Variants in PRMT9 observed in about 807,000 individuals in gnomAD.
The protein encoded by PRMT9 is protein arginine N-methyltransferase 9.
In PRMT9, 59 loss-of-function variants were observed where a neutral mutation model predicts 83.2. That is an observed-to-expected ratio of 0.71 (90% CI 0.57 to 0.88). The LOEUF (loss-of-function observed/expected upper bound fraction) is 0.88. Among genes scored for constraint, PRMT9 ranks in the 40% least tolerant of loss-of-function variants. The pLI is 0.00. For missense variants in PRMT9, 947 were observed against 1,021.9 expected (o/e 0.93, Z 1.00); for synonymous variants, 333 against 353.2 (o/e 0.94, Z 0.64).
chr4:147,682,536 T>A (rs181393420), intron 1 of PRMT9, among the ~76,000 whole-genome samples: 1 of 151,702 alleles, frequency 6.6e-6, no homozygotes, highest in East Asian at 2.0e-4. Context: ...GGTCTCAAAC[T>A]CCTGACCTTG....
Position 147,654,528 on chromosome 4 carries a change from C to A in PRMT9, c.1369G>T (p.Val457Leu), listed in dbSNP as rs372927933. The A allele has an allele frequency of 6.8e-6, 11 of 1,613,462 alleles. No homozygotes were observed. Among genetic ancestry groups the A allele is most frequent in the African/African-American group, 1.3e-5 (1 of 74,906 alleles). ...IKPGDHVMME[V>L]SCQDCYLRIQ... ...CTTAAGTAACAGTCTTGACAAGATA[C>A]TTCCATCATCACATGGTCTCCAGGC... Residue 457 changes from valine to leucine, a missense_variant, in exon 9 of 12, where the codon GTA (valine) becomes TTA (leucine). Transcript: ENST00000322396.
rs67002013 is a variant in PRMT9, at chr4:147,666,823, TAAAAAAAA to T, written c.953+1708_953+1715del. ...TCAACCCATAATGCTGAACTTTGTT[TAAAAAAAA>T]AAAAAAAAAAAAAAGATATTGGCCT... On this transcript the variant is annotated intron_variant, in intron 6 of 11. Coordinates refer to ENST00000322396, the MANE Select transcript of PRMT9 (RefSeq NM_138364.4). 4.7e-5 allele frequency among the ~76,000 whole-genome samples: 6 copies of T among 126,446 alleles called. No individual in the cohort carries two copies. The South Asian group carries it at 1.5e-3, about 32-fold the overall frequency. 83.0% of individuals were successfully genotyped at this position (126,446 alleles called of 152,430 possible). A position where few individuals can be genotyped will look rare whatever the true frequency, so the allele number is the denominator to read the frequency against.
At chr4:147,681,030 T>G (rs1736437017) in intron 1 of PRMT9, among the ~76,000 whole-genome samples, 1 of 152,232 alleles carries the variant, frequency 6.6e-6, no homozygotes, top group Non-Finnish European at 1.5e-5. Context: ...AATCTTGTTC[T>G]TATCCTCACA....
intron 9 of PRMT9, among the ~76,000 whole-genome samples, chr4:147,644,690 G>A (rs1366597849): frequency 6.6e-6 from 1 of 152,084 alleles, no homozygotes; most frequent in Non-Finnish European, 1.5e-5. Flanking sequence ...TTGCTAGGCC[G>A]TGGAAGCTGT....
At position 147,672,987 on chromosome 4, in the gene PRMT9, T is replaced by C. The variant is rs370622333; in HGVS notation, c.715A>G (p.Ile239Val). ...TCGGGAATATGTTTTGGAATCTCTA[T>C]GTCAAGTGACTTCGTATGTAAGAGT... ...IKLLHTKSLDIEIPKHIPERV... is the reference protein window; with the variant it reads ...IKLLHTKSLDVEIPKHIPERV... Residue 239 changes from isoleucine (I) to valine (V), a missense_variant, in exon 4 of 12, where the codon ATA becomes GTA. Physicochemically the swap from Ile to Val is conservative, Grantham distance 29 (BLOSUM62 3). Coordinates refer to ENST00000322396, the MANE Select transcript of PRMT9 (RefSeq NM_138364.4). The C allele has an allele frequency of 5.0e-6, 8 of 1,613,864 alleles. No homozygotes were observed. The highest frequency in any genetic ancestry group is 1.3e-5 in the African/African-American group (1 of 74,934).
chr4:147,642,191 A>T (rs1733447466), intron 10 of PRMT9, among the ~76,000 whole-genome samples: 1 of 151,932 alleles, frequency 6.6e-6, no homozygotes, highest in African/African-American at 2.4e-5. Flanking sequence ...TAAGATTAAA[A>T]CCTAGGACCC....
At chr4:147,675,260 G>C (rs1008556956) in intron 2 of PRMT9, among the ~76,000 whole-genome samples, 1 of 152,144 alleles carries the variant, frequency 6.6e-6, no homozygotes, top group Non-Finnish European at 1.5e-5. Flanking sequence ...GATTACAGGC[G>C]TGAGCCACCG....
Position 147,653,871 on chromosome 4 carries a change from C to A in PRMT9, c.2026G>T (p.Glu676Ter). Residue 676 changes from glutamate to a stop codon, truncating the protein, a stop_gained, in exon 9 of 12, where the codon GAA becomes TAA. Coordinates refer to ENST00000322396, the MANE Select transcript of PRMT9 (RefSeq NM_138364.4). LOFTEE classifies it high-confidence loss of function. The part of the protein sequence containing the change: ...PSGLIQQEIM[E>*]KAAISRCLLQ... ...TTTTACCTGGATATTGCAGCTTTTT[C>A]CATTATTTCCTGCTGAATGAGCCCA... 1 of 1,612,676 alleles carries A rather than the reference C, an allele frequency of 6.2e-7. No homozygotes were observed. The highest frequency in any genetic ancestry group is 1.1e-5 in the South Asian group (1 of 90,920).
Position 147,673,820 on chromosome 4 carries a change from G to A in PRMT9, c.393C>T (p.Asn131=), listed in dbSNP as rs1396232101. The change falls in exon 3 of 12, where the codon AAC becomes AAT. Residue 131 remains asparagine (N), a synonymous_variant. Coordinates refer to ENST00000322396, the MANE Select transcript of PRMT9 (RefSeq NM_138364.4). ...AGYFHKAVKL[N]PDFSDAKENF... is the part of the protein sequence containing the mutation. Reference sequence around the variant, plus strand: ...TCTCCTTTGCATCACTGAAATCAGGGTTTAGCTTCACTGCTTTATGAAAAT... The same window carrying A: ...TCTCCTTTGCATCACTGAAATCAGGATTTAGCTTCACTGCTTTATGAAAAT... The A allele has an allele frequency of 3.1e-6, 5 of 1,613,962 alleles. No individual in the cohort carries two copies. Among genetic ancestry groups the A allele is most frequent in the Non-Finnish European group, 4.2e-6 (5 of 1,180,010 alleles).
At chr4:147,651,550 C>T (rs904344140) in intron 9 of PRMT9, among the ~76,000 whole-genome samples, 7 of 152,006 alleles carry the variant, frequency 4.6e-5, no homozygotes, top group Non-Finnish European at 8.8e-5. Context: ...CAAAATAACC[C>T]GGTTAAAAAA....
At chr4:147,668,251 G>A (rs1735474611) in intron 6 of PRMT9, among the ~76,000 whole-genome samples, 2 of 152,154 alleles carry the variant, frequency 1.3e-5, no homozygotes, top group African/African-American at 4.8e-5. Context: ...CTTCCACACT[G>A]TTCTCATGAT....
At chr4:147,679,955 C>G (rs922218535) in intron 2 of PRMT9, among the ~76,000 whole-genome samples, 40 of 152,134 alleles carry the variant, frequency 2.6e-4, no homozygotes, top group Admixed American at 2.6e-3. Flanking sequence ...TCTCTGGCAT[C>G]CCAAGAGGCA....
chr4:147,667,835 TCA>T (rs529718291), intron 6 of PRMT9, among the ~76,000 whole-genome samples: 200 of 152,294 alleles, frequency 1.3e-3, no homozygotes, highest in Non-Finnish European at 2.5e-3. Flanking sequence ...AAATTTATTT[TCA>T]CAGTGGAATC....
chr4:147,642,951 AAG>A lies in PRMT9; in HGVS notation c.2046-13_2046-12del, dbSNP rs1733507260. The A allele has an allele frequency of 3.1e-6, 5 of 1,613,432 alleles. No homozygotes were observed. The highest frequency in any genetic ancestry group is 1.7e-5 in the Admixed American group (1 of 59,994). ...GATTGTAGTAAACACCTAAGAAAAA[AAG>A]TACATATTTTAAAAAGCTCTTGGGG... On this transcript the variant is annotated splice_polypyrimidine_tract_variant and intron_variant, in intron 9 of 11. Coordinates refer to ENST00000322396, the MANE Select transcript of PRMT9 (RefSeq NM_138364.4).
At chr4:147,683,151 T>G (rs922294436) in intron 1 of PRMT9, among the ~76,000 whole-genome samples, 1 of 152,194 alleles carries the variant, frequency 6.6e-6, no homozygotes, top group Non-Finnish European at 1.5e-5. Context: ...AATTACACAC[T>G]TTATTCAACT....
At chr4:147,672,078 G>A (rs1016223758) in intron 4 of PRMT9, 2 of 343,360 alleles carry the variant, frequency 5.8e-6, no homozygotes, top group African/African-American at 4.3e-5. Flanking sequence ...GGCAGCCCAA[G>A]TGGAACAAGA....
At position 147,673,732 on chromosome 4, in the gene PRMT9, T is replaced by G; in HGVS notation, c.481A>C (p.Lys161Gln). Residue 161 changes from lysine to glutamine, a missense_variant, in exon 3 of 12, where the codon AAG becomes CAG. Coordinates refer to ENST00000322396, the MANE Select transcript of PRMT9 (RefSeq NM_138364.4). ...GCTGCATTATAAATTGTATTCCTCT[T>G]GGTGTCATTAAGCATGATAAAGTGC... is the stretch of plus-strand genomic sequence containing the variant. ...RWHFIMLNDT[K>Q]RNTIYNAAIQ... 6.2e-7 allele frequency: 1 copy of G among 1,614,110 alleles called. No individual in the cohort carries two copies. Among genetic ancestry groups the G allele is most frequent in the Non-Finnish European group, 8.5e-7 (1 of 1,179,966 alleles).
intron 9 of PRMT9, among the ~76,000 whole-genome samples, chr4:147,648,772 AT>A (rs554940247): frequency 2.3e-4 from 34 of 150,128 alleles, no homozygotes; most frequent in African/African-American, 3.7e-4. Flanking sequence ...TATGCTTGCA[AT>A]TTTTTTTTTC....
At chr4:147,678,139 T>C (rs7660361) in intron 2 of PRMT9, among the ~76,000 whole-genome samples, 131,225 of 152,206 alleles carry the variant, frequency 0.86, 58,783 homozygotes, top group Non-Finnish European at 0.98. Context: ...AGGTAGCAGA[T>C]TGATTGTTAA....
Sources: allele counts gnomAD v4.1 joint callset (sites outside exome capture counted in the v4.1 genomes callset), GRCh38; gene constraint gnomAD v4.1.1; transcripts MANE v1.5; gene names NCBI Gene and HGNC (gene_info 2026-07-23, HGNC 2026-07-21).